GAB2: variants seen among roughly 807,000 people sequenced by gnomAD.
GAB2 encodes GRB2-associated-binding protein 2.
GAB2 carries 26 observed loss-of-function variants against 65.5 expected under a neutral mutation model. The ratio of observed to expected loss-of-function variants is 0.40; its 90% CI spans 0.29 to 0.55. The LOEUF is 0.55. Ranked by LOEUF, GAB2 falls within the 20% of genes least tolerant of loss-of-function variation. GAB2 has a pLI of 0.53. For synonymous variants in GAB2, 321 were observed against 329.6 expected (o/e 0.97, Z 0.28); for missense variants, 884 against 875.8 (o/e 1.01, Z -0.12).
At chr11:78,348,174 T>C (rs1343101285) in intron 1 of GAB2, among the ~76,000 whole-genome samples, 1 of 151,088 alleles carries the variant, frequency 6.6e-6, no homozygotes, top group Non-Finnish European at 1.5e-5. Flanking sequence ...GCAGAAGAGG[T>C]AGAAGGGGAG....
At chr11:78,289,842 A>G (rs1191628845) in intron 1 of GAB2, among the ~76,000 whole-genome samples, 1 of 120,644 alleles carries the variant, frequency 8.3e-6, no homozygotes, top group Non-Finnish European at 1.7e-5. Flanking sequence ...TTTTTTTTTA[A>G]ATACAACATA....
intron 1 of GAB2, among the ~76,000 whole-genome samples, chr11:78,335,701 T>G (rs914426358): frequency 2.0e-5 from 3 of 152,188 alleles, no homozygotes; most frequent in Admixed American, 2.0e-4. Context: ...TCTTTTTGCT[T>G]GGGATAGCTT....
chr11:78,260,901 T>C (rs2512537), intron 2 of GAB2, among the ~76,000 whole-genome samples: 24,533 of 152,134 alleles, frequency 0.16, 2,449 homozygotes, highest in East Asian at 0.4. Context: ...TTTTCTCTAA[T>C]CGTGTTTAGC....
intron 1 of GAB2, 26 bp from the exon 2 acceptor site, chr11:78,280,927 A>G (rs760187307): frequency 1.3e-6 from 2 of 1,577,044 alleles, no homozygotes; most frequent in South Asian, 2.2e-5. Flanking sequence ...AAGGAGTAAG[A>G]AGAGGGGGAA....
At chr11:78,298,614 T>C (rs10793297) in intron 1 of GAB2, among the ~76,000 whole-genome samples, 23,963 of 152,214 alleles carry the variant, frequency 0.16, 2,433 homozygotes, top group East Asian at 0.4. Context: ...ACCTCTCCCA[T>C]TGACAAAGCA....
In GAB2 at chr11:78,267,857, C is replaced by CAAAAAAAAAAAAAAAAAAAAAA. The variant is rs751533828; in HGVS notation, c.376+12722_376+12743dup. On this transcript the variant is annotated intron_variant, in intron 2 of 9. Coordinates refer to ENST00000361507, the MANE Select transcript of GAB2 (RefSeq NM_080491.3). ...TGGGTGATAGAGCGAGACTCCGTCT[C>CAAAAAAAAAAAAAAAAAAAAAA]AAAAAAAAAAAAAAAAAAAAAAAAG... 2.0e-3 allele frequency among the ~76,000 whole-genome samples: 65 copies of CAAAAAAAAAAAAAAAAAAAAAA among 32,796 alleles called. 3 individuals carry two copies. Among genetic ancestry groups the CAAAAAAAAAAAAAAAAAAAAAA allele is most frequent in the East Asian group, 9.8e-3 (6 of 614 alleles). The allele number at this position is 32,796 out of a possible 152,430, so 21.5% of individuals were successfully genotyped here.
intron 1 of GAB2, among the ~76,000 whole-genome samples, chr11:78,387,235 A>T (rs547298353): frequency 6.6e-6 from 1 of 151,948 alleles, no homozygotes; most frequent in East Asian, 1.9e-4. Flanking sequence ...TTTTCCTCAC[A>T]CTGTATGACC....
chr11:78,346,698 TATATATATATATATATATATATAA>T (rs1271707658), intron 1 of GAB2, among the ~76,000 whole-genome samples: 18 of 93,518 alleles, frequency 1.9e-4, no homozygotes, highest in Admixed American at 8.3e-4. Flanking sequence ...TATATATATA[TATATATATATATATATATATATAA>T]TTTTTTTTTT....
intron 1 of GAB2, among the ~76,000 whole-genome samples, chr11:78,379,720 T>C (rs1189284772): frequency 6.6e-6 from 1 of 152,254 alleles, no homozygotes; most frequent in Non-Finnish European, 1.5e-5. Flanking sequence ...AGAGTGTACT[T>C]GGTTGTCATG....
intron 1 of GAB2, among the ~76,000 whole-genome samples, chr11:78,304,826 T>G (rs1465529692): frequency 3.3e-5 from 5 of 152,140 alleles, no homozygotes; most frequent in Non-Finnish European, 7.4e-5. Context: ...TTCATTTGGT[T>G]CCAAACTGCT....
chr11:78,308,344 G>A (rs1005249983), intron 1 of GAB2, among the ~76,000 whole-genome samples: 9 of 152,266 alleles, frequency 5.9e-5, no homozygotes, highest in African/African-American at 1.9e-4. Context: ...TCCAGGCTGG[G>A]TGACAGAGCA....
chr11:78,373,790 C>T (rs1363214560), intron 1 of GAB2, among the ~76,000 whole-genome samples: 1 of 152,288 alleles, frequency 6.6e-6, no homozygotes, highest in African/African-American at 2.4e-5. Flanking sequence ...TAGATGATCA[C>T]ACAAACCCCT....
rs4945271 is a variant in GAB2 at position 78,380,446 on chromosome 11, C to T, written c.75+37200G>A. ...GTCTCAATCTCTTGACCGCGTGATC[C>T]GCCTGCCTCGGCCTCCCAAAGTGCT... is the stretch of plus-strand genomic sequence containing the variant. On this transcript the variant is annotated intron_variant, in intron 1 of 9. Transcript: ENST00000361507. Among the ~76,000 whole-genome samples, 388 of 152,206 alleles carry T rather than the reference C, an allele frequency of 2.5e-3. 3 individuals carry two copies. The highest frequency in any genetic ancestry group is 3.6e-3 in the Non-Finnish European group (243 of 68,000).
intron 3 of GAB2, among the ~76,000 whole-genome samples, chr11:78,247,932 A>C (rs1865342379): frequency 6.6e-6 from 1 of 152,190 alleles, no homozygotes; most frequent in East Asian, 1.9e-4. Context: ...CACAAGTGAA[A>C]ACCATGACAG....
At chr11:78,356,381 T>G (rs1856359763) in intron 1 of GAB2, among the ~76,000 whole-genome samples, 1 of 152,212 alleles carries the variant, frequency 6.6e-6, no homozygotes, top group East Asian at 1.9e-4. Flanking sequence ...TGTTTATGTT[T>G]TCTTATAGTA....
At chr11:78,329,216 G>C (rs1010061869) in intron 1 of GAB2, among the ~76,000 whole-genome samples, 2 of 152,106 alleles carry the variant, frequency 1.3e-5, no homozygotes, top group East Asian at 3.9e-4. Flanking sequence ...CAAAAATGAA[G>C]AACATTTTTG....
At chr11:78,401,296 T>A (rs1856968524) in intron 1 of GAB2, among the ~76,000 whole-genome samples, 1 of 152,164 alleles carries the variant, frequency 6.6e-6, no homozygotes, top group Admixed American at 6.6e-5. Context: ...AGCTGCTCAT[T>A]GTCCCCTACC....
intron 1 of GAB2, among the ~76,000 whole-genome samples, chr11:78,306,986 C>T (rs1855375797): frequency 6.6e-6 from 1 of 152,122 alleles, no homozygotes; most frequent in Admixed American, 6.5e-5. Flanking sequence ...TATCTCTCAC[C>T]AGGCCTGTAT....
At chr11:78,291,405 A>G (rs1866667525) in intron 1 of GAB2, among the ~76,000 whole-genome samples, 1 of 150,432 alleles carries the variant, frequency 6.6e-6, no homozygotes. Flanking sequence ...GGCAGAGCTT[A>G]CGGTGAGCGG....
Sources: gnomAD v4.1 joint callset for allele counts (sites outside exome capture counted in the v4.1 genomes callset) on GRCh38, gnomAD v4.1.1 for gene constraint, MANE v1.5 for transcripts, NCBI Gene and HGNC (gene_info 2026-07-23, HGNC 2026-07-21) for gene names.